The following LTBP1 variants were observed in gnomAD, a reference collection of about 807,000 sequenced individuals.
The protein encoded by LTBP1 is latent transforming growth factor beta binding protein 1.
In LTBP1, 129 loss-of-function variants were observed where a neutral mutation model predicts 207.6. That is an observed-to-expected ratio of 0.62 (90% CI 0.54 to 0.72). The LOEUF is 0.72. Ranked by LOEUF, LTBP1 falls within the 30% of genes least tolerant of loss-of-function variation. The pLI, the probability that LTBP1 is intolerant of heterozygous loss-of-function variation, is 0.00. For synonymous variants in LTBP1, 963 were observed against 833.7 expected (o/e 1.16, Z -2.67); for missense variants, 2,281 against 2,217.2 (o/e 1.03, Z -0.58).
chr2:33,073,591 A>T (rs1446692764), intron 3 of LTBP1, among the ~76,000 whole-genome samples: 1 of 151,952 alleles, frequency 6.6e-6, no homozygotes, highest in African/African-American at 2.4e-5. Context: ...AATTTTATTC[A>T]GTCTCCAAAG....
intron 2 of LTBP1, among the ~76,000 whole-genome samples, chr2:32,999,399 A>G (rs376590916): frequency 2.5e-5 from 2 of 79,446 alleles, no homozygotes; most frequent in African/African-American, 7.4e-5. Context: ...AGGCCTAGAC[A>G]TGGTGTGTGG....
chr2:33,043,023 A>G (rs1335570878), intron 3 of LTBP1, among the ~76,000 whole-genome samples: 1 of 152,100 alleles, frequency 6.6e-6, no homozygotes, highest in Non-Finnish European at 1.5e-5. Flanking sequence ...TGTGTACATG[A>G]GTATTTTTAT....
At chr2:33,009,954 T>C (rs1278985991) in intron 2 of LTBP1, among the ~76,000 whole-genome samples, 2 of 152,150 alleles carry the variant, frequency 1.3e-5, no homozygotes, top group Admixed American at 6.5e-5. Flanking sequence ...GGGCACTGAA[T>C]TAGATCTTCA....
rs1022075494 is a variant in LTBP1 at position 33,104,567 on chromosome 2, C to T, written c.864-6015C>T. On this transcript the variant is annotated intron_variant, in intron 3 of 33. Transcript: ENST00000404816. Reference sequence around the variant, plus strand: ...GCTTCCTCCTAGAAACTTTCTTCCACTTACCATTTTTGAACTGACTCGATC... The same window carrying T: ...GCTTCCTCCTAGAAACTTTCTTCCATTTACCATTTTTGAACTGACTCGATC... 3.3e-5 allele frequency among the ~76,000 whole-genome samples: 5 copies of T among 152,200 alleles called. No individual in the cohort carries two copies. The East Asian group carries it at 9.6e-4, about 29-fold the overall frequency.
At chr2:33,031,936 G>C (rs2075708657) in intron 3 of LTBP1, among the ~76,000 whole-genome samples, 1 of 152,136 alleles carries the variant, frequency 6.6e-6, no homozygotes, top group African/African-American at 2.4e-5. Flanking sequence ...CTGGGAGGCT[G>C]GCTGCTGGGC....
Position 33,101,078 on chromosome 2 carries a change from G to A in LTBP1, c.864-9504G>A, listed in dbSNP as rs539816352. 8.5e-5 allele frequency among the ~76,000 whole-genome samples: 13 copies of A among 152,266 alleles called. No homozygotes were observed. The East Asian group carries it at 2.5e-3, about 29-fold the overall frequency. ...AATTGCCAAATTATATGGTAATTCT[G>A]TGCTTAATAGCTTTTTGAAGAGCTG... On this transcript the variant is annotated intron_variant, in intron 3 of 33. Coordinates refer to ENST00000404816, the MANE Select transcript of LTBP1 (RefSeq NM_206943.4).
intron 3 of LTBP1, among the ~76,000 whole-genome samples, chr2:33,093,272 T>C (rs1371435796): frequency 6.6e-6 from 1 of 152,246 alleles, no homozygotes; most frequent in East Asian, 1.9e-4. Context: ...GCGGTTAAGA[T>C]GGTTAAATGC....
chr2:32,997,541 A>T (rs1183231516), intron 2 of LTBP1, among the ~76,000 whole-genome samples: 1 of 152,118 alleles, frequency 6.6e-6, no homozygotes, highest in Non-Finnish European at 1.5e-5. Flanking sequence ...CACACATGCT[A>T]TTCCTGAATC....
intron 24 of LTBP1, among the ~76,000 whole-genome samples, chr2:33,341,039 A>G (rs950468951): frequency 2.0e-5 from 3 of 151,964 alleles, no homozygotes; most frequent in African/African-American, 7.3e-5. Context: ...TAAAAGTACA[A>G]TCTTCACATA....
At chr2:32,952,148 C>A (rs1367685658) in intron 2 of LTBP1, among the ~76,000 whole-genome samples, 2 of 152,072 alleles carry the variant, frequency 1.3e-5, no homozygotes, top group African/African-American at 4.8e-5. Flanking sequence ...ATAAGGTATC[C>A]CTTTGAGAAA....
At chr2:33,216,168 G>A (rs2090683454) in intron 7 of LTBP1, among the ~76,000 whole-genome samples, 1 of 152,132 alleles carries the variant, frequency 6.6e-6, no homozygotes. Context: ...AGATACATAC[G>A]CATTTAACAA....
At chr2:33,205,115 C>G (rs534089536) in intron 7 of LTBP1, among the ~76,000 whole-genome samples, 15 of 152,286 alleles carry the variant, frequency 9.8e-5, no homozygotes, top group Non-Finnish European at 1.9e-4. Flanking sequence ...ATGGACAGAT[C>G]AATGTCAAAC....
intron 32 of LTBP1, 136 bp downstream of exon 32, chr2:33,389,442 G>A: frequency 8.3e-7 from 1 of 1,198,586 alleles, no homozygotes; most frequent in South Asian, 1.5e-5. Flanking sequence ...AGAAAGTCTA[G>A]GGTGGGACCC....
In LTBP1 at chr2:33,298,252, G is replaced by A. The variant is rs2093918682; in HGVS notation, c.3236-2199G>A. On this transcript the variant is annotated intron_variant, in intron 20 of 33. Transcript: ENST00000404816. ...TTTAAAGACCCAAAGATCACCTTGT[G>A]CAAGATAACTGTGTTGCCTCAAGTT... Among the ~76,000 whole-genome samples, 4 of 152,180 alleles carry A rather than the reference G, an allele frequency of 2.6e-5. No individual in the cohort carries two copies. The South Asian group carries it at 8.3e-4, about 31-fold the overall frequency.
chr2:32,999,690 GACCAGCCTGGCCAATGTGGTGAA>G lies in LTBP1; in HGVS notation c.566-21215_566-21193del, dbSNP rs757425905. On this transcript the variant is annotated intron_variant, in intron 2 of 33. Transcript: ENST00000404816. ...GCGGATCATGAGGTCAGGAGTTCAAGACCAGCCTGGCCAATGTGGTGAAACCTGGTCTCTACTAAAAATACACA... is the reference window on the plus strand; with the variant it reads ...GCGGATCATGAGGTCAGGAGTTCAAGACCTGGTCTCTACTAAAAATACACA... Among the ~76,000 whole-genome samples the G allele has an allele frequency of 9.7e-5, 13 of 133,616 alleles. 2 individuals carry two copies. The highest frequency in any genetic ancestry group is 1.8e-4 in the Non-Finnish European group (11 of 60,896). 87.7% of individuals were successfully genotyped at this position (133,616 alleles called of 152,430 possible). A position where few individuals can be genotyped will look rare whatever the true frequency, so the allele number is the denominator to read the frequency against.
chr2:33,056,413 CG>C, intron 3 of LTBP1: 3 of 1,108,140 alleles, frequency 2.7e-6, no homozygotes, highest in Non-Finnish European at 2.5e-6. Flanking sequence ...CCGCCCTGGG[CG>C]ATGGTGACTT....
chr2:33,148,566 C>T (rs2083243781), intron 5 of LTBP1, among the ~76,000 whole-genome samples: 1 of 152,188 alleles, frequency 6.6e-6, no homozygotes, highest in South Asian at 2.1e-4. Context: ...ATTTCCTTCA[C>T]CTCACTCTGG....
chr2:32,961,370 A>G (rs529321453), intron 2 of LTBP1, among the ~76,000 whole-genome samples: 1 of 152,356 alleles, frequency 6.6e-6, no homozygotes. Flanking sequence ...CTATTGTGTT[A>G]AAAGTCAAAT....
intron 32 of LTBP1, among the ~76,000 whole-genome samples, chr2:33,393,273 A>G (rs113312292): frequency 4.0e-4 from 29 of 72,436 alleles, no homozygotes; most frequent in African/African-American, 1.4e-3. Context: ...GTATTTGGTT[A>G]TATGAGTAAG....
Sources: allele counts gnomAD v4.1 joint callset (sites outside exome capture counted in the v4.1 genomes callset), GRCh38; gene constraint gnomAD v4.1.1; transcripts MANE v1.5; gene names NCBI Gene and HGNC (gene_info 2026-07-23, HGNC 2026-07-21).